B3GAT2: variants seen among roughly 807,000 people sequenced by gnomAD.
B3GAT2 encodes the protein galactosylgalactosylxylosylprotein 3-beta-glucuronosyltransferase 2.
Under a neutral mutation model 27.8 loss-of-function variants are expected in B3GAT2, and 26 were observed. The ratio of observed to expected loss-of-function variants is 0.93; its 90% confidence interval spans 0.68 to 1.30. The LOEUF is 1.30. B3GAT2 is among the 50% of genes most tolerant of loss of function. The pLI, the probability that B3GAT2 is intolerant of heterozygous loss-of-function variation, is 0.00. For missense variants in B3GAT2, 458 were observed against 459.0 expected (o/e 1.00, Z 0.02); for synonymous variants, 218 against 195.1 (o/e 1.12, Z -0.98).
intron 1 of B3GAT2, among the ~76,000 whole-genome samples, chr6:70,935,192 T>A (rs182544544): frequency 1.3e-5 from 2 of 151,968 alleles, no homozygotes; most frequent in East Asian, 3.9e-4. Flanking sequence ...ACACCAGTAA[T>A]ACCAGTACTT....
chr6:70,893,687 A>C (rs1772329723), intron 2 of B3GAT2, among the ~76,000 whole-genome samples: 1 of 152,214 alleles, frequency 6.6e-6, no homozygotes, highest in Admixed American at 6.5e-5. Flanking sequence ...AATAAGCATT[A>C]AAATGACTTG....
At chr6:70,909,909 T>C (rs1045311766) in intron 1 of B3GAT2, among the ~76,000 whole-genome samples, 1 of 152,160 alleles carries the variant, frequency 6.6e-6, no homozygotes, top group Non-Finnish European at 1.5e-5. Context: ...AGTCTTGCTT[T>C]GTTGCCCAGG....
intron 1 of B3GAT2, among the ~76,000 whole-genome samples, chr6:70,926,546 T>A (rs895078640): frequency 1.2e-4 from 18 of 152,174 alleles, no homozygotes; most frequent in African/African-American, 4.3e-4. Context: ...CTTCAGTAGC[T>A]GACTCGATCA....
At chr6:70,876,301 T>A (rs1447725131) in intron 2 of B3GAT2, among the ~76,000 whole-genome samples, 2 of 152,230 alleles carry the variant, frequency 1.3e-5, no homozygotes, top group Non-Finnish European at 2.9e-5. Flanking sequence ...AGCTATTACA[T>A]CACCTCCTAG....
intron 1 of B3GAT2, among the ~76,000 whole-genome samples, chr6:70,938,058 C>T (rs1285306015): frequency 1.3e-5 from 2 of 150,872 alleles, no homozygotes; most frequent in Non-Finnish European, 3.0e-5. Context: ...AGCAAAGTCT[C>T]AGGATACAAA....
chr6:70,917,140 T>C, intron 1 of B3GAT2, among the ~76,000 whole-genome samples: 1 of 152,188 alleles, frequency 6.6e-6, no homozygotes. Flanking sequence ...GGTGTATGTG[T>C]CAAGGAATTT....
chr6:70,859,243 A>T lies in B3GAT2; in HGVS notation c.*2420T>A. On this transcript the variant is annotated 3_prime_UTR_variant, in exon 4 of 4. Transcript: ENST00000230053. ...AAATTGTATGTGCTAAGTGTCAGTC[A>T]CATGGTCAACATGCTGAAGCACACC... 1.1e-6 allele frequency: 1 copy of T among 877,998 alleles called. No homozygotes were observed. Among genetic ancestry groups the T allele is most frequent in the Non-Finnish European group, 1.7e-6 (1 of 576,782 alleles). 54.4% of individuals were successfully genotyped at this position (877,998 alleles called of 1,614,324 possible).
At chr6:70,871,521 C>A (rs750801567) in intron 2 of B3GAT2, among the ~76,000 whole-genome samples, 1 of 151,670 alleles carries the variant, frequency 6.6e-6, no homozygotes, top group Non-Finnish European at 1.5e-5. Context: ...TAATTTGTTG[C>A]AATACAATTT....
intron 1 of B3GAT2, among the ~76,000 whole-genome samples, chr6:70,907,990 C>G (rs985039191): frequency 2.0e-5 from 3 of 152,202 alleles, no homozygotes; most frequent in African/African-American, 7.2e-5. Flanking sequence ...GGCACACTTT[C>G]CATTCTGTTG....
Position 70,861,847 on chromosome 6 carries a change from C to G in B3GAT2, c.868G>C (p.Ala290Pro), listed in dbSNP as rs763929507. 1 of 1,614,080 alleles carries G rather than the reference C, an allele frequency of 6.2e-7. No homozygotes were observed. ...ATGAATACCTTAGTGCAGTTATTTGCTTTCGGTTCCAGTTCTTCGACTGTT... is the reference window on the plus strand; with the variant it reads ...ATGAATACCTTAGTGCAGTTATTTGGTTTCGGTTCCAGTTCTTCGACTGTT... ...ITTVEELEPK[A>P]NNCTKVLVWH... Residue 290 changes from alanine (A) to proline (P), a missense_variant, in exon 3 of 4, where the codon GCA becomes CCA. Coordinates refer to ENST00000230053, the MANE Select transcript of B3GAT2 (RefSeq NM_080742.3).
chr6:70,874,858 T>C (rs1250344792), intron 2 of B3GAT2, among the ~76,000 whole-genome samples: 2 of 152,132 alleles, frequency 1.3e-5, no homozygotes, highest in Non-Finnish European at 2.9e-5. Flanking sequence ...GTTCTGCCCT[T>C]CTAGTAACTG....
chr6:70,870,182 A>G (rs1221180158), intron 2 of B3GAT2, among the ~76,000 whole-genome samples: 4 of 152,046 alleles, frequency 2.6e-5, no homozygotes, highest in African/African-American at 9.7e-5. Flanking sequence ...AAAATGTGGC[A>G]CATATACACC....
chr6:70,950,136 A>G (rs1028644243), intron 1 of B3GAT2, among the ~76,000 whole-genome samples: 75 of 151,970 alleles, frequency 4.9e-4, no homozygotes, highest in Non-Finnish European at 1.0e-3. Flanking sequence ...GCACACCAGC[A>G]TGGCACATGT....
chr6:70,873,673 G>A (rs1020196689), intron 2 of B3GAT2, among the ~76,000 whole-genome samples: 7 of 151,158 alleles, frequency 4.6e-5, no homozygotes, highest in Non-Finnish European at 7.4e-5. Flanking sequence ...CTTTTTCTAC[G>A]ACTCATAATA....
chr6:70,951,346 T>G (rs1201858465), intron 1 of B3GAT2, among the ~76,000 whole-genome samples: 1 of 152,084 alleles, frequency 6.6e-6, no homozygotes, highest in Admixed American at 6.6e-5. Context: ...AAGAGAAAAT[T>G]TACCAGCTTG....
At chr6:70,873,968 A>ATTTATC (rs1771976342) in intron 2 of B3GAT2, among the ~76,000 whole-genome samples, 1 of 152,014 alleles carries the variant, frequency 6.6e-6, no homozygotes, top group Non-Finnish European at 1.5e-5. Context: ...TTCTTTAGCT[A>ATTTATC]TTTAGACATG....
chr6:70,920,982 C>T (rs1772858906), intron 1 of B3GAT2, among the ~76,000 whole-genome samples: 1 of 152,200 alleles, frequency 6.6e-6, no homozygotes, highest in Non-Finnish European at 1.5e-5. Context: ...AGTGCTTTTG[C>T]TGAAAGGTCT....
At chr6:70,866,536 C>G (rs1374682785) in intron 2 of B3GAT2, among the ~76,000 whole-genome samples, 1 of 152,120 alleles carries the variant, frequency 6.6e-6, no homozygotes, top group Non-Finnish European at 1.5e-5. Context: ...ATGAAAAATA[C>G]AATGTCTGAG....
At chr6:70,950,341 A>C (rs865984917) in intron 1 of B3GAT2, among the ~76,000 whole-genome samples, 1 of 152,142 alleles carries the variant, frequency 6.6e-6, no homozygotes, top group African/African-American at 2.4e-5. Context: ...AAAAAGGAAA[A>C]AAGTAACAAA....
Sources: allele counts gnomAD v4.1 joint callset (sites outside exome capture counted in the v4.1 genomes callset), GRCh38; gene constraint gnomAD v4.1.1; transcripts MANE v1.5; gene names NCBI Gene and HGNC (gene_info 2026-07-23, HGNC 2026-07-21).